The following CDYL variants were observed in gnomAD, a reference collection of about 807,000 sequenced individuals.
CDYL encodes the protein chromodomain Y like.
Under a neutral mutation model 47.3 loss-of-function variants are expected in CDYL, and 8 were observed. The observed-to-expected ratio is 0.17, with a 90% CI of 0.10 to 0.31. CDYL has a LOEUF of 0.31. Among genes scored for constraint, CDYL ranks in the 10% least tolerant of loss-of-function variants. CDYL has a pLI of 1.00. For synonymous variants in CDYL, 266 were observed against 265.0 expected (o/e 1.00, Z -0.04); for missense variants, 471 against 701.4 (o/e 0.67, Z 3.71).
intron 3 of CDYL, among the ~76,000 whole-genome samples, chr6:4,765,001 G>C (rs1369491082): frequency 7.9e-5 from 12 of 152,128 alleles, no homozygotes; most frequent in African/African-American, 2.7e-4. Flanking sequence ...AAATTCTACA[G>C]ATTATATTCT....
At chr6:4,922,803 A>G (rs1374170349) in intron 2 of CDYL, among the ~76,000 whole-genome samples, 1 of 152,204 alleles carries the variant, frequency 6.6e-6, no homozygotes, top group Non-Finnish European at 1.5e-5. Context: ...TCGAATGTGC[A>G]ACATCAGCAA....
intron 1 of CDYL, among the ~76,000 whole-genome samples, chr6:4,884,466 A>C (rs1761848094): frequency 6.6e-6 from 1 of 152,216 alleles, no homozygotes; most frequent in African/African-American, 2.4e-5. Flanking sequence ...GTGGATACTC[A>C]GAGGGAAATT....
At chr6:4,845,133 AT>A (rs1357581250) in intron 1 of CDYL, among the ~76,000 whole-genome samples, 1 of 152,220 alleles carries the variant, frequency 6.6e-6, no homozygotes, top group Non-Finnish European at 1.5e-5. Context: ...TTAGAGGTTA[AT>A]TTCACTGCAT....
At chr6:4,836,547 G>A (rs974765269) in intron 1 of CDYL, among the ~76,000 whole-genome samples, 1 of 152,064 alleles carries the variant, frequency 6.6e-6, no homozygotes, top group Admixed American at 6.6e-5. Context: ...TCCTGTTTTT[G>A]CAGTCAGTAC....
At chr6:4,860,843 C>T (rs1761149400) in intron 1 of CDYL, among the ~76,000 whole-genome samples, 1 of 151,914 alleles carries the variant, frequency 6.6e-6, no homozygotes, top group Non-Finnish European at 1.5e-5. Context: ...CCTGTCTCTC[C>T]TTTTCACGTT....
At chr6:4,750,883 T>C (rs1320173275) in intron 3 of CDYL, among the ~76,000 whole-genome samples, 7 of 151,338 alleles carry the variant, frequency 4.6e-5, no homozygotes, top group Non-Finnish European at 8.8e-5. Context: ...GATGGAGTCT[T>C]GCTCTGTCAC....
At chr6:4,827,128 C>CTTGCTTACTA (rs1252761638) in intron 1 of CDYL, among the ~76,000 whole-genome samples, 20 of 152,196 alleles carry the variant, frequency 1.3e-4, no homozygotes, top group Non-Finnish European at 2.1e-4. Flanking sequence ...CCAGCTTTCT[C>CTTGCTTACTA]TTGCTTACTA....
chr6:4,888,289 A>G (rs1046073459), intron 1 of CDYL, among the ~76,000 whole-genome samples: 5 of 152,286 alleles, frequency 3.3e-5, no homozygotes, highest in Non-Finnish European at 5.9e-5. Context: ...CAGTGAAGCT[A>G]TCTAATCCTA....
chr6:4,716,024 G>A (rs9502227), intron 2 of CDYL: 260,448 of 1,236,966 alleles, frequency 0.21, 29,288 homozygotes, highest in African/African-American at 0.35. Context: ...CGAGGCGGGC[G>A]GATCATGAGG....
intron 2 of CDYL, chr6:4,724,538 T>C (rs1356443228): frequency 2.0e-5 from 3 of 152,282 alleles, no homozygotes; most frequent in African/African-American, 7.2e-5. Flanking sequence ...TCGCTCTGAG[T>C]GTCACAGTTC....
chr6:4,932,858 C>G (rs1284659329), intron 2 of CDYL, among the ~76,000 whole-genome samples: 1 of 152,204 alleles, frequency 6.6e-6, no homozygotes, highest in Non-Finnish European at 1.5e-5. Context: ...TTAACAACTG[C>G]TGTGCCCACG....
At chr6:4,716,517 C>T (rs1011329774) in intron 2 of CDYL, among the ~76,000 whole-genome samples, 1 of 151,496 alleles carries the variant, frequency 6.6e-6, no homozygotes, top group Non-Finnish European at 1.5e-5. Flanking sequence ...GCTTCCTTTC[C>T]TTTTCCACTT....
intron 1 of CDYL, among the ~76,000 whole-genome samples, chr6:4,803,075 C>G (rs1759270822): frequency 6.6e-6 from 1 of 152,144 alleles, no homozygotes; most frequent in African/African-American, 2.4e-5. Flanking sequence ...CTTTGGCTGG[C>G]TAGTTTCAAG....
In CDYL at chr6:4,776,683, A is replaced by G; in HGVS notation, c.-101A>G. 1 of 1,082,860 alleles carries G rather than the reference A, an allele frequency of 9.2e-7. No homozygotes were observed. Among genetic ancestry groups the G allele is most frequent in the Non-Finnish European group, 1.2e-6 (1 of 831,952 alleles). The allele number at this position is 1,082,860 out of a possible 1,614,324, so 67.1% of individuals were successfully genotyped here. On this transcript the variant is annotated 5_prime_UTR_variant, in exon 1 of 7. Transcript: ENST00000397588. ...CGCCCGGCCGGCCGCGGGAGCAGGA[A>G]GCGCAGGCCACGCAGGACCCAACTG...
chr6:4,854,451 C>T (rs1760945535), intron 1 of CDYL, among the ~76,000 whole-genome samples: 2 of 152,188 alleles, frequency 1.3e-5, no homozygotes, highest in Non-Finnish European at 1.5e-5. Context: ...CCACAGGCTC[C>T]CAGTGAGTCA....
intron 1 of CDYL, among the ~76,000 whole-genome samples, chr6:4,878,449 A>G (rs1761676196): frequency 6.6e-6 from 1 of 151,860 alleles, no homozygotes; most frequent in South Asian, 2.1e-4. Context: ...TATATTATAT[A>G]CAATTTTATA....
intron 1 of CDYL, chr6:4,836,363 A>G (rs919653877): frequency 1.2e-5 from 7 of 595,816 alleles, no homozygotes; most frequent in Non-Finnish European, 1.5e-5. Flanking sequence ...AACCCCCTAG[A>G]GGAGTTGGGA....
chr6:4,743,203 C>G (rs1300003748), intron 3 of CDYL, among the ~76,000 whole-genome samples: 2 of 152,156 alleles, frequency 1.3e-5, no homozygotes, highest in Non-Finnish European at 2.9e-5. Context: ...GGGCTTGTTT[C>G]CATTGTCTGG....
intron 2 of CDYL, among the ~76,000 whole-genome samples, chr6:4,898,069 A>ATT (rs1215148805): frequency 6.6e-6 from 1 of 152,020 alleles, no homozygotes; most frequent in Non-Finnish European, 1.5e-5. Flanking sequence ...ACCAAAAAAA[A>ATT]AATCCAGGCA....
Sources: allele counts gnomAD v4.1 joint callset (sites outside exome capture counted in the v4.1 genomes callset), GRCh38; gene constraint gnomAD v4.1.1; transcripts MANE v1.5; gene names NCBI Gene and HGNC (gene_info 2026-07-23, HGNC 2026-07-21).